TUSC3: variants seen among roughly 807,000 people sequenced by gnomAD.
TUSC3 encodes the protein tumor suppressor candidate 3.
Under a neutral mutation model 44.8 loss-of-function variants are expected in TUSC3, and 45 were observed. The ratio of observed to expected loss-of-function variants is 1.00; its 90% CI spans 0.79 to 1.29. The LOEUF is 1.29. TUSC3 is among the 50% of genes most tolerant of loss of function. The pLI is 0.00. For synonymous variants in TUSC3, 212 were observed against 152.9 expected, an observed-to-expected ratio of 1.39 and a Z score of -2.85; for missense variants, 519 against 437.9, an observed-to-expected ratio of 1.19 and a Z score of -1.65.
At chr8:15,666,445 T>G (rs1442405001) in intron 5 of TUSC3, among the ~76,000 whole-genome samples, 1 of 151,486 alleles carries the variant, frequency 6.6e-6, no homozygotes, top group East Asian at 1.9e-4. Context: ...TTATGTCATT[T>G]TAATTAAATT....
chr8:15,716,951 A>C (rs1810083548), intron 6 of TUSC3, among the ~76,000 whole-genome samples: 1 of 152,084 alleles, frequency 6.6e-6, no homozygotes, highest in African/African-American at 2.4e-5. Flanking sequence ...AAAATCCCTG[A>C]ATATTTTACT....
chr8:15,433,790 G>A (rs1799909799), intron 1 of TUSC3, among the ~76,000 whole-genome samples: 1 of 152,100 alleles, frequency 6.6e-6, no homozygotes, highest in Non-Finnish European at 1.5e-5. Context: ...TTTATTGGCT[G>A]AGTAGAAATA....
At chr8:15,522,979 T>A (rs960807190) in intron 2 of TUSC3, among the ~76,000 whole-genome samples, 7 of 152,092 alleles carry the variant, frequency 4.6e-5, no homozygotes, top group African/African-American at 1.7e-4. Flanking sequence ...CGAAGATGCA[T>A]CGTTAAGTAA....
intron 1 of TUSC3, among the ~76,000 whole-genome samples, chr8:15,463,913 C>T (rs150171152): frequency 6.6e-6 from 1 of 152,148 alleles, no homozygotes; most frequent in Non-Finnish European, 1.5e-5. Context: ...GTTTACTTGC[C>T]TATTTGATCA....
At chr8:15,482,824 A>G (rs1348272914) in intron 1 of TUSC3, among the ~76,000 whole-genome samples, 1 of 152,204 alleles carries the variant, frequency 6.6e-6, no homozygotes, top group Non-Finnish European at 1.5e-5. Flanking sequence ...TACAATATTA[A>G]TTGCAAGGTC....
chr8:15,655,952 G>A lies in TUSC3; in HGVS notation c.427-3555G>A, dbSNP rs567658334. Among the ~76,000 whole-genome samples the A allele has an allele frequency of 2.6e-5, 4 of 152,176 alleles. No homozygotes were observed. The South Asian group carries it at 6.2e-4, about 24-fold the overall frequency. ...AGGAATGAAGAGAAAGGAAAGAAACGATGAAAAGATTACCTAGGAATCCCT... is the reference window on the plus strand; with the variant it reads ...AGGAATGAAGAGAAAGGAAAGAAACAATGAAAAGATTACCTAGGAATCCCT... On this transcript the variant is annotated intron_variant, in intron 3 of 10. Transcript: ENST00000503731.
At chr8:15,511,387 A>G (rs1472948682) in intron 2 of TUSC3, among the ~76,000 whole-genome samples, 1 of 152,210 alleles carries the variant, frequency 6.6e-6, no homozygotes, top group African/African-American at 2.4e-5. Context: ...AGAAAATGTG[A>G]TGGAATATAC....
chr8:15,549,982 T>G (rs1802003345), intron 1 of TUSC3, among the ~76,000 whole-genome samples: 1 of 151,678 alleles, frequency 6.6e-6, no homozygotes, highest in Non-Finnish European at 1.5e-5. Flanking sequence ...CTTTAAGGGC[T>G]TACAACTCTA....
At chr8:15,780,575 G>A in the TUSC3 span, among the ~76,000 whole-genome samples, 6 of 152,180 alleles carry the variant, frequency 3.9e-5, no homozygotes, top group Non-Finnish European at 7.3e-5. Flanking sequence ...ATACTCTGCC[G>A]CCTGTTGCTG....
chr8:15,623,269 A>C lies in TUSC3; in HGVS notation c.308+20A>C. The C allele has an allele frequency of 6.4e-7, 1 of 1,563,750 alleles. No individual in the cohort carries two copies. On this transcript the variant is annotated intron_variant, in intron 2 of 10. Transcript: ENST00000503731. ...GTGCAGGTAATTTATGTAATTAAAA[A>C]ATATTAAAAACTATTATTCTTGGTT...
intron 1 of TUSC3, among the ~76,000 whole-genome samples, chr8:15,541,704 A>G (rs1028630239): frequency 1.3e-5 from 2 of 152,144 alleles, no homozygotes; most frequent in Non-Finnish European, 2.9e-5. Flanking sequence ...GGATTTAGAG[A>G]ACCACTGTTA....
chr8:15,531,638 C>T (rs891968524), intron 2 of TUSC3, among the ~76,000 whole-genome samples: 2 of 152,200 alleles, frequency 1.3e-5, no homozygotes, highest in African/African-American at 4.8e-5. Context: ...GAATGCCCCT[C>T]ATCCTTTCTT....
the TUSC3 span, among the ~76,000 whole-genome samples, chr8:15,837,349 C>G: frequency 1.3e-5 from 2 of 152,092 alleles, no homozygotes; most frequent in African/African-American, 4.8e-5. Context: ...TTGTACTACA[C>G]ATTTAAATGT....
chr8:15,757,943 G>C, intron 10 of TUSC3, 88 bp downstream of exon 10: 1 of 1,500,632 alleles, frequency 6.7e-7, no homozygotes. Flanking sequence ...ACAAGTTGTA[G>C]TAAATTACTG....
intron 1 of TUSC3, among the ~76,000 whole-genome samples, chr8:15,455,676 G>A (rs974166758): frequency 4.6e-5 from 7 of 152,158 alleles, no homozygotes; most frequent in African/African-American, 7.2e-5. Flanking sequence ...CTATCAGTGA[G>A]AAAATTACAT....
intron 6 of TUSC3, among the ~76,000 whole-genome samples, chr8:15,704,272 T>TG (rs60146654): frequency 4.7e-5 from 7 of 150,150 alleles, no homozygotes; most frequent in African/African-American, 1.2e-4. Flanking sequence ...TTTTTTTTTT[T>TG]GGAATAGCAA....
At chr8:15,614,397 T>A (rs759669514) in intron 1 of TUSC3, among the ~76,000 whole-genome samples, 6 of 152,182 alleles carry the variant, frequency 3.9e-5, no homozygotes, top group Non-Finnish European at 8.8e-5. Context: ...GAAATCAGTT[T>A]TAGAACATTT....
intron 2 of TUSC3, among the ~76,000 whole-genome samples, chr8:15,520,536 A>G (rs1801283557): frequency 6.6e-6 from 1 of 152,214 alleles, no homozygotes; most frequent in African/African-American, 2.4e-5. Context: ...AGAGTCCTAT[A>G]ACATGCCTTG....
intron 1 of TUSC3, among the ~76,000 whole-genome samples, chr8:15,428,064 A>C (rs539099073): frequency 1.3e-5 from 2 of 150,240 alleles, no homozygotes; most frequent in East Asian, 4.0e-4. Context: ...GGTGTGCTGC[A>C]CCCATTAACT....
Sources: allele counts gnomAD v4.1 joint callset (sites outside exome capture counted in the v4.1 genomes callset), GRCh38; gene constraint gnomAD v4.1.1; transcripts MANE v1.5; gene names NCBI Gene and HGNC (gene_info 2026-07-23, HGNC 2026-07-21).